COX10: variants seen among roughly 807,000 people sequenced by gnomAD.
The protein encoded by COX10 is protoheme IX farnesyltransferase, mitochondrial.
In COX10, 27 loss-of-function variants were observed where a neutral mutation model predicts 37.3. That is an observed-to-expected ratio of 0.72 (90% CI 0.53 to 1.00). The LOEUF is 1.00. COX10 is among the 50% of genes least tolerant of loss of function. COX10 has a pLI of 0.00. For missense variants in COX10, 475 were observed against 563.2 expected (o/e 0.84, Z 1.59); for synonymous variants, 222 against 229.1 (o/e 0.97, Z 0.28).
At chr17:14,083,128 C>T (rs970075651) in intron 3 of COX10, among the ~76,000 whole-genome samples, 1 of 152,158 alleles carries the variant, frequency 6.6e-6, no homozygotes, top group Non-Finnish European at 1.5e-5. Context: ...GCCTCACCTA[C>T]ACACACAGAT....
At chr17:14,115,474 C>A (rs950991852) in intron 4 of COX10, among the ~76,000 whole-genome samples, 3 of 152,022 alleles carry the variant, frequency 2.0e-5, no homozygotes, top group African/African-American at 7.2e-5. Flanking sequence ...ATATGGAGAT[C>A]TCTCAAAGAA....
chr17:14,077,599 A>G (rs149755511), intron 3 of COX10, among the ~76,000 whole-genome samples: 1 of 152,340 alleles, frequency 6.6e-6, no homozygotes, highest in African/African-American at 2.4e-5. Context: ...GCCAAATTGT[A>G]TTGCCATAAT....
In COX10 at chr17:14,175,720, C is replaced by T. The variant is rs372566705; in HGVS notation, c.695+15773C>T. On this transcript the variant is annotated intron_variant, in intron 5 of 6. Coordinates refer to ENST00000261643, the MANE Select transcript of COX10 (RefSeq NM_001303.4). Reference sequence around the variant, plus strand: ...TCATTCTAGGTGGGCATCAATGGTGCCAAGGAAAGAGACAGAATGATAATA... The same window carrying T: ...TCATTCTAGGTGGGCATCAATGGTGTCAAGGAAAGAGACAGAATGATAATA... 3.3e-5 allele frequency among the ~76,000 whole-genome samples: 5 copies of T among 151,578 alleles called. No individual in the cohort carries two copies. The South Asian group carries it at 1.1e-3, about 32-fold the overall frequency.
chr17:14,097,745 T>C (rs1344335406), intron 3 of COX10, among the ~76,000 whole-genome samples: 1 of 152,174 alleles, frequency 6.6e-6, no homozygotes. Flanking sequence ...TTATGGGGCT[T>C]TCTTGTCCAC....
chr17:14,079,844 A>T (rs948389293), intron 3 of COX10, among the ~76,000 whole-genome samples: 5 of 18,262 alleles, frequency 2.7e-4, no homozygotes, highest in Admixed American at 9.1e-4. Context: ...GGATCATTTT[A>T]TATATATATA....
At chr17:14,110,599 T>G (rs1351571366) in intron 4 of COX10, among the ~76,000 whole-genome samples, 1 of 152,042 alleles carries the variant, frequency 6.6e-6, no homozygotes, top group Non-Finnish European at 1.5e-5. Context: ...AAAGTAACGC[T>G]CTTTTCTAAT....
chr17:14,165,026 T>C (rs1269114077), intron 5 of COX10, among the ~76,000 whole-genome samples: 2 of 152,222 alleles, frequency 1.3e-5, no homozygotes, highest in Non-Finnish European at 2.9e-5. Flanking sequence ...CCAGTTTGGA[T>C]GTTAACTACA....
At chr17:14,120,140 T>C (rs1189362500) in intron 4 of COX10, among the ~76,000 whole-genome samples, 1 of 152,190 alleles carries the variant, frequency 6.6e-6, no homozygotes, top group East Asian at 1.9e-4. Context: ...GATAGTGATA[T>C]CACTGACTAC....
intron 3 of COX10, among the ~76,000 whole-genome samples, chr17:14,088,554 A>G (rs985753764): frequency 6.6e-6 from 1 of 152,176 alleles, no homozygotes; most frequent in Non-Finnish European, 1.5e-5. Flanking sequence ...TAAGTATAAG[A>G]TGCTATGGTA....
chr17:14,170,807 A>G (rs903471435), intron 5 of COX10, among the ~76,000 whole-genome samples: 5 of 152,164 alleles, frequency 3.3e-5, no homozygotes, highest in African/African-American at 9.7e-5. Context: ...ACAGAGTGAA[A>G]TCCTGTCTCA....
rs186226165 is a variant in COX10, at chr17:14,103,392, G to A, written c.624+1150G>A. ...TTTTAAAAGTTACTACCTCTATTTG[G>A]TTATACATCTGGGACCCGAGGTTAA... On this transcript the variant is annotated intron_variant, in intron 4 of 6. Coordinates refer to ENST00000261643, the MANE Select transcript of COX10 (RefSeq NM_001303.4). Among the ~76,000 whole-genome samples the A allele has an allele frequency of 1.1e-3, 170 of 152,110 alleles. 1 individual carries two copies. The highest frequency in any genetic ancestry group is 3.8e-3 in the African/African-American group (159 of 41,486).
At chr17:14,201,842 C>G (rs1303474883) in intron 6 of COX10, among the ~76,000 whole-genome samples, 1 of 152,216 alleles carries the variant, frequency 6.6e-6, no homozygotes, top group East Asian at 1.9e-4. Context: ...ACCTCGTGTT[C>G]AAAGTCTCAG....
At chr17:14,076,613 T>C in intron 2 of COX10, 122 bp from the exon 3 acceptor site, 6 of 895,204 alleles carry the variant, frequency 6.7e-6, no homozygotes, top group South Asian at 1.4e-5. Context: ...TTAACAGATA[T>C]TAAAGCTGTG....
intron 4 of COX10, among the ~76,000 whole-genome samples, chr17:14,158,224 T>C (rs1371599115): frequency 1.3e-5 from 2 of 151,606 alleles, no homozygotes; most frequent in African/African-American, 2.4e-5. Context: ...TTAGGAATAC[T>C]AAGACATCGT....
At chr17:14,077,921 GATTT>G (rs752517677) in intron 3 of COX10, among the ~76,000 whole-genome samples, 1 of 36,654 alleles carries the variant, frequency 2.7e-5, no homozygotes, top group Admixed American at 4.8e-4. Flanking sequence ...GGGAAAGAGT[GATTT>G]TTTTTTTTTT....
chr17:14,096,886 C>T (rs1239321718), intron 3 of COX10, among the ~76,000 whole-genome samples: 5 of 151,882 alleles, frequency 3.3e-5, no homozygotes, highest in Non-Finnish European at 7.4e-5. Flanking sequence ...GGCTTTCCAC[C>T]CAGGAGTGGG....
intron 3 of COX10, among the ~76,000 whole-genome samples, chr17:14,098,743 A>G (rs1309161532): frequency 1.3e-5 from 2 of 152,294 alleles, no homozygotes; most frequent in East Asian, 1.9e-4. Context: ...AGTAATCACC[A>G]TGGCATTTTC....
chr17:14,149,911 A>G (rs919321880), intron 4 of COX10, among the ~76,000 whole-genome samples: 1 of 152,126 alleles, frequency 6.6e-6, no homozygotes, highest in African/African-American at 2.4e-5. Flanking sequence ...AGAGAGCAAT[A>G]AATGTGAGGG....
chr17:14,160,762 A>C (rs1443408192), intron 5 of COX10, among the ~76,000 whole-genome samples: 1 of 152,230 alleles, frequency 6.6e-6, no homozygotes, highest in Non-Finnish European at 1.5e-5. Flanking sequence ...TTCTCAATGA[A>C]TTTAAAATAT....
Sources: allele counts gnomAD v4.1 joint callset (sites outside exome capture counted in the v4.1 genomes callset), GRCh38; gene constraint gnomAD v4.1.1; transcripts MANE v1.5; gene names NCBI Gene and HGNC (gene_info 2026-07-23, HGNC 2026-07-21).